Variants in FAT1 observed in about 807,000 individuals in gnomAD.
The protein encoded by FAT1 is FAT atypical cadherin 1.
FAT1 carries 171 observed loss-of-function variants against 329.8 expected under a neutral mutation model. That is an observed-to-expected ratio of 0.52 (90% CI 0.46 to 0.59). FAT1 has a LOEUF of 0.59. Ranked by LOEUF, FAT1 falls within the 20% of genes least tolerant of loss-of-function variation. FAT1 has a pLI of 0.00. For synonymous variants in FAT1, 2,233 were observed against 2,228.6 expected (o/e 1.00, Z -0.06); for missense variants, 5,672 against 5,774.4 (o/e 0.98, Z 0.57).
rs1157383372 is a variant in FAT1, at chr4:186,707,388, C to T, written c.2440G>A (p.Asp814Asn). Residue 814 changes from aspartate to asparagine, a missense_variant, in exon 2 of 27, where the codon GAT (aspartate) becomes AAT (asparagine). This residue lies in a region of FAT1 where 3,966 missense variants were observed against 3,915.2 expected (regional missense o/e 1.01). Coordinates refer to ENST00000441802, the MANE Select transcript of FAT1 (RefSeq NM_005245.4). Reference protein sequence around the residue: ...AWRLLHVVVVDANDNPPEFLQ... With the variant: ...AWRLLHVVVVNANDNPPEFLQ... ...AACTCGGGTGGATTATCATTGGCAT[C>T]GACAACCACGACATGTAGAAGACGC... 5.6e-6 allele frequency: 9 copies of T among 1,613,822 alleles called. 1 individual carries two copies. The highest frequency in any genetic ancestry group is 4.4e-5 in the South Asian group (4 of 91,084).
In FAT1 at chr4:186,597,959, A is replaced by C; in HGVS notation, c.12257+13T>G. 1 of 1,592,336 alleles carries C rather than the reference A, an allele frequency of 6.3e-7. No homozygotes were observed. On this transcript the variant is annotated intron_variant, in intron 23 of 26. Coordinates refer to ENST00000441802, the MANE Select transcript of FAT1 (RefSeq NM_005245.4). ...CTACAATTGATTATGAAAGTTAAGAAAAATACACATACCTCTGACCAGTAT... is the reference window on the plus strand; with the variant it reads ...CTACAATTGATTATGAAAGTTAAGACAAATACACATACCTCTGACCAGTAT...
intron 2 of FAT1, among the ~76,000 whole-genome samples, chr4:186,665,392 T>G (rs913021118): frequency 6.6e-6 from 1 of 152,186 alleles, no homozygotes; most frequent in African/African-American, 2.4e-5. Context: ...CCATTCTAAC[T>G]GGTGTGAGAT....
At chr4:186,638,326 C>A (rs915351784) in intron 4 of FAT1, among the ~76,000 whole-genome samples, 4 of 152,150 alleles carry the variant, frequency 2.6e-5, no homozygotes, top group African/African-American at 9.7e-5. Context: ...GTGACGTATG[C>A]AATTAATGTG....
chr4:186,724,613 G>A (rs952739653), upstream of FAT1, among the ~76,000 whole-genome samples: 1 of 152,172 alleles, frequency 6.6e-6, no homozygotes, highest in Non-Finnish European at 1.5e-5. This position sits in a 1 kb window ranked among gnomAD's most constrained non-coding sequence, Gnocchi z 5.3. Context: ...AGGCAGAGGG[G>A]AAGCCCCAGC....
chr4:186,614,084 T>G (rs530930703), intron 12 of FAT1, 107 bp downstream of exon 12: 2 of 1,012,674 alleles, frequency 2.0e-6, no homozygotes, highest in South Asian at 3.5e-5. Context: ...AGAATACATT[T>G]GAAAAGGGCA....
At chr4:186,592,004 T>C (rs570775526) in intron 26 of FAT1, among the ~76,000 whole-genome samples, 4 of 152,324 alleles carry the variant, frequency 2.6e-5, no homozygotes, top group South Asian at 2.1e-4. Flanking sequence ...CCCAGACCTG[T>C]TGGATCAGAA....
At chr4:186,625,654 G>C (rs1271522059) in intron 9 of FAT1, among the ~76,000 whole-genome samples, 1 of 152,224 alleles carries the variant, frequency 6.6e-6, no homozygotes, top group Non-Finnish European at 1.5e-5. Flanking sequence ...GAAGAAGACT[G>C]AAAGGGACTA....
At position 186,588,963 on chromosome 4, in the gene FAT1, T is replaced by C. The variant is rs758477097; in HGVS notation, c.13396A>G (p.Arg4466Gly). The change falls in exon 27 of 27, where the codon AGA becomes GGA. Residue 4466 changes from arginine to glycine, a missense_variant. Coordinates refer to ENST00000441802, the MANE Select transcript of FAT1 (RefSeq NM_005245.4). ...SNQFESIHPP[R>G]DMPAAGSLGS... ...AAGCTACCCGCGGCAGGCATGTCTC[T>C]AGGAGGGTGGATGGATTCAAACTGA... The C allele has an allele frequency of 1.2e-6, 2 of 1,613,956 alleles. No homozygotes were observed. Among genetic ancestry groups the C allele is most frequent in the Non-Finnish European group, 8.5e-7 (1 of 1,179,874 alleles).
chr4:186,697,736 C>T (rs1315214298), intron 2 of FAT1, among the ~76,000 whole-genome samples: 2 of 152,146 alleles, frequency 1.3e-5, no homozygotes, highest in East Asian at 1.9e-4. Context: ...TATAAAAATG[C>T]TTGTCACTGT....
At chr4:186,709,894 A>G (rs1356494221) in intron 1 of FAT1, 49 bp from the exon 2 acceptor site, 23 of 1,467,188 alleles carry the variant, frequency 1.6e-5, no homozygotes, top group Non-Finnish European at 2.1e-5. Context: ...TAAAACAAGC[A>G]AAAGTGTGTA....
intron 2 of FAT1, among the ~76,000 whole-genome samples, chr4:186,667,257 C>T (rs1465075295): frequency 2.6e-5 from 4 of 152,264 alleles, no homozygotes; most frequent in South Asian, 2.1e-4. Context: ...CTGCTGGTCC[C>T]CACCGACCCA....
In FAT1 at chr4:186,647,877, G is replaced by A. The variant is rs1741451532; in HGVS notation, c.3581-8094C>T. 2.6e-5 allele frequency among the ~76,000 whole-genome samples: 4 copies of A among 152,268 alleles called. No homozygotes were observed. In the South Asian group the frequency reaches 8.3e-4, roughly 32 times the overall value. Reference sequence around the variant, plus strand: ...AGTTAGATTTCTACCCTTCAATCCTGACTGTGGCAGGGACTGCTCCCAGGG... The same window carrying A: ...AGTTAGATTTCTACCCTTCAATCCTAACTGTGGCAGGGACTGCTCCCAGGG... On this transcript the variant is annotated intron_variant, in intron 3 of 26. Transcript: ENST00000441802.
At chr4:186,662,994 G>A (rs756133806) in intron 3 of FAT1, among the ~76,000 whole-genome samples, 1 of 151,956 alleles carries the variant, frequency 6.6e-6, no homozygotes, top group Non-Finnish European at 1.5e-5. Flanking sequence ...CCGCCACCAC[G>A]CCCAGCTAAT....
intron 2 of FAT1, among the ~76,000 whole-genome samples, chr4:186,679,327 G>A (rs1743092357): frequency 6.7e-6 from 1 of 149,986 alleles, no homozygotes; most frequent in Non-Finnish European, 1.5e-5. Context: ...TGAGGCAGGA[G>A]AATGGCGTGA....
intron 2 of FAT1, among the ~76,000 whole-genome samples, chr4:186,694,982 CA>C (rs1274193819): frequency 1.3e-5 from 2 of 152,002 alleles, no homozygotes; most frequent in Non-Finnish European, 2.9e-5. Context: ...CAAAACAAAA[CA>C]AAAATACAAA....
At chr4:186,637,929 CTATTT>C (rs1232188140) in intron 4 of FAT1, among the ~76,000 whole-genome samples, 3 of 152,172 alleles carry the variant, frequency 2.0e-5, no homozygotes, top group Admixed American at 1.3e-4. Flanking sequence ...TAAAACATTA[CTATTT>C]TAATTTTAAA....
intron 2 of FAT1, among the ~76,000 whole-genome samples, chr4:186,673,494 T>C (rs1455416313): frequency 6.6e-6 from 1 of 152,202 alleles, no homozygotes; most frequent in Non-Finnish European, 1.5e-5. Flanking sequence ...AAGCTTTAGG[T>C]CTAGGAAATT....
intron 1 of FAT1, among the ~76,000 whole-genome samples, chr4:186,715,612 C>A (rs923631316): frequency 3.3e-5 from 5 of 152,178 alleles, no homozygotes; most frequent in African/African-American, 1.2e-4. Flanking sequence ...GACTCCAACA[C>A]CATTTCATCT....
intron 1 of FAT1, among the ~76,000 whole-genome samples, chr4:186,718,570 A>T (rs977972959): frequency 5.9e-5 from 9 of 152,126 alleles, no homozygotes; most frequent in African/African-American, 2.2e-4. Flanking sequence ...AGGAGGCTGA[A>T]GCAGGAGAAT....
Sources: gnomAD v4.1 joint callset for allele counts (sites outside exome capture counted in the v4.1 genomes callset) on GRCh38, gnomAD v4.1.1 for gene constraint, gnomAD v4.1.1 regional missense constraint, Gnocchi (gnomAD v3.1) non-coding constraint, MANE v1.5 for transcripts, NCBI Gene and HGNC (gene_info 2026-07-23, HGNC 2026-07-21) for gene names.